Variants in SOX6 observed in about 807,000 individuals in gnomAD.
SOX6 encodes SRY-box transcription factor 6.
A neutral mutation model predicts 97.8 loss-of-function variants in SOX6; 11 were observed. That is an observed-to-expected ratio of 0.11 (90% confidence interval 0.07 to 0.19). The LOEUF (loss-of-function observed/expected upper bound fraction) is 0.19, where lower values mean the gene tolerates loss of function less well. Ranked by LOEUF, SOX6 falls within the 10% of genes least tolerant of loss-of-function variation. The pLI is 1.00. For missense variants in SOX6, 810 were observed against 1,039.5 expected (o/e 0.78, Z 3.04); for synonymous variants, 360 against 371.4 (o/e 0.97, Z 0.35).
At chr11:16,276,130 C>T (rs1049170269) in intron 3 of SOX6, among the ~76,000 whole-genome samples, 2 of 152,132 alleles carry the variant, frequency 1.3e-5, no homozygotes, top group Middle Eastern at 3.4e-3. Context: ...GGATCCTGAC[C>T]GAGAAAGTCT....
intron 1 of SOX6, among the ~76,000 whole-genome samples, chr11:16,455,287 A>T (rs1053629075): frequency 1.3e-5 from 2 of 152,038 alleles, no homozygotes; most frequent in Non-Finnish European, 2.9e-5. Flanking sequence ...AAATTTTTTT[A>T]AATATTTTAA....
chr11:16,709,150 G>C (rs1429636465), intron 3 of SOX6, among the ~76,000 whole-genome samples: 1 of 152,188 alleles, frequency 6.6e-6, no homozygotes, highest in African/African-American at 2.4e-5. Flanking sequence ...TGCATCATTG[G>C]AGCGGATCTC....
upstream of SOX6, among the ~76,000 whole-genome samples, chr11:16,358,769 C>A (rs959608022): frequency 2.6e-5 from 4 of 152,114 alleles, no homozygotes; most frequent in African/African-American, 9.7e-5. Flanking sequence ...GGCCTCAATT[C>A]TTTATCTGTA....
At chr11:16,146,908 CTGTAAACTAGTTCGACCATTG>C (rs1850320135) in intron 6 of SOX6, among the ~76,000 whole-genome samples, 1 of 152,288 alleles carries the variant, frequency 6.6e-6, no homozygotes, top group East Asian at 1.9e-4. Context: ...GTTGGTGGGA[CTGTAAACTAGTTCGACCATTG>C]TGGAAGACAG....
At chr11:16,700,308 A>G (rs1159331152) in intron 3 of SOX6, among the ~76,000 whole-genome samples, 4 of 152,248 alleles carry the variant, frequency 2.6e-5, no homozygotes, top group Non-Finnish European at 5.9e-5. Context: ...ACAAGAACAA[A>G]GCATTGATAA....
At chr11:16,501,199 G>A (rs1445957527) in intron 4 of SOX6, among the ~76,000 whole-genome samples, 2 of 152,168 alleles carry the variant, frequency 1.3e-5, no homozygotes, top group East Asian at 1.9e-4. Flanking sequence ...GACAAAAATA[G>A]GAAATGGGGA....
rs532393067 is a variant in SOX6 at position 16,638,234 on chromosome 11, C to T, written n.430-25974G>A. On this transcript the variant is annotated intron_variant and non_coding_transcript_variant, in intron 3 of 5. Coordinates refer to the SOX6 transcript ENST00000524520. ...CCCATCTCCCTACAAAGGACATGAA[C>T]TCATCATTTTTTATGGCTGCATAGT... Among the ~76,000 whole-genome samples the T allele has an allele frequency of 3.9e-5, 6 of 152,140 alleles. No homozygotes were observed. In the South Asian group the frequency reaches 1.2e-3, roughly 32 times the overall value.
chr11:16,370,913 C>T (rs561620555), intron 1 of SOX6, among the ~76,000 whole-genome samples: 4 of 152,122 alleles, frequency 2.6e-5, no homozygotes, highest in South Asian at 2.1e-4. Context: ...CTGTAATAGC[C>T]GCTTAAGTGG....
At chr11:16,288,501 C>A (rs1373634937) in intron 3 of SOX6, among the ~76,000 whole-genome samples, 1 of 151,922 alleles carries the variant, frequency 6.6e-6, no homozygotes, top group African/African-American at 2.4e-5. Context: ...GTGGAGAAAG[C>A]AGATATGTTC....
At chr11:16,423,867 C>T (rs1859070379) in intron 1 of SOX6, among the ~76,000 whole-genome samples, 1 of 152,224 alleles carries the variant, frequency 6.6e-6, no homozygotes, top group South Asian at 2.1e-4. Flanking sequence ...GAGATGCACA[C>T]ATTTGTTTTA....
chr11:16,366,908 T>C (rs1396573451), intron 1 of SOX6, among the ~76,000 whole-genome samples: 2 of 152,128 alleles, frequency 1.3e-5, no homozygotes, highest in Admixed American at 1.3e-4. Flanking sequence ...ATAAGCTCTA[T>C]TAGGTCAGCA....
chr11:16,132,355 A>AAAG (rs1849788211), intron 6 of SOX6, among the ~76,000 whole-genome samples: 1 of 70,604 alleles, frequency 1.4e-5, no homozygotes, highest in Admixed American at 2.0e-4. Flanking sequence ...AGAAAGAAAG[A>AAAG]AAGAAAGAAA....
chr11:16,262,284 T>C (rs1008127032), intron 3 of SOX6, among the ~76,000 whole-genome samples: 47 of 152,080 alleles, frequency 3.1e-4, no homozygotes, highest in African/African-American at 1.1e-3. Context: ...CAGCTCTTAG[T>C]ATACAAGGAG....
intron 4 of SOX6, among the ~76,000 whole-genome samples, chr11:16,586,089 G>A (rs977800507): frequency 1.2e-4 from 18 of 152,212 alleles, no homozygotes; most frequent in African/African-American, 3.4e-4. Flanking sequence ...AGGCTGAAAC[G>A]ATTACTAAGT....
At chr11:16,309,535 G>A (rs1163606338) in intron 3 of SOX6, among the ~76,000 whole-genome samples, 2 of 151,992 alleles carry the variant, frequency 1.3e-5, no homozygotes, top group Admixed American at 6.6e-5. Context: ...CAAAGTTCTG[G>A]CAAAAATGTA....
chr11:16,476,415 A>C (rs558987056), upstream of SOX6: 2 of 152,454 alleles, frequency 1.3e-5, no homozygotes, highest in African/African-American at 4.8e-5. Flanking sequence ...AAATGAAATA[A>C]AAAAGGATAA....
At chr11:16,112,208 T>C (rs1849248611) in intron 6 of SOX6, among the ~76,000 whole-genome samples, 1 of 152,222 alleles carries the variant, frequency 6.6e-6, no homozygotes, top group African/African-American at 2.4e-5. Flanking sequence ...CTTTTATTTT[T>C]TCTTTTAAAC....
At chr11:16,707,063 G>A (rs966229231) in intron 3 of SOX6, among the ~76,000 whole-genome samples, 1 of 152,126 alleles carries the variant, frequency 6.6e-6, no homozygotes. Flanking sequence ...TAAAGGCAGT[G>A]TTCTCCTTCC....
At chr11:16,278,510 G>A (rs189790587) in intron 3 of SOX6, among the ~76,000 whole-genome samples, 3 of 152,070 alleles carry the variant, frequency 2.0e-5, no homozygotes, top group South Asian at 2.1e-4. Flanking sequence ...TAGCGTAGAC[G>A]CCAAGCTTTC....
Sources: allele counts gnomAD v4.1 joint callset (sites outside exome capture counted in the v4.1 genomes callset), GRCh38; gene constraint gnomAD v4.1.1; transcripts MANE v1.5; gene names NCBI Gene and HGNC (gene_info 2026-07-23, HGNC 2026-07-21).